Variants in DMTF1 observed in about 807,000 individuals in gnomAD.
DMTF1 encodes cyclin D binding myb like transcription factor 1, also known as cyclin-D-binding Myb-like transcription factor 1.
In DMTF1, 39 loss-of-function variants were observed where a neutral mutation model predicts 91.1. The observed-to-expected ratio is 0.43, with a 90% confidence interval of 0.33 to 0.56. The LOEUF is 0.56. Ranked by LOEUF, DMTF1 falls within the 20% of genes least tolerant of loss-of-function variation. DMTF1 has a pLI of 0.05. For missense variants in DMTF1, 750 were observed against 914.5 expected, an observed-to-expected ratio of 0.82 and a Z score of 2.32; for synonymous variants, 338 against 309.5, an observed-to-expected ratio of 1.09 and a Z score of -0.97.
rs1000267727 is a variant in DMTF1 at position 87,196,087 on chromosome 7, G to A, written c.*947G>A. 1.3e-5 allele frequency: 2 copies of A among 152,550 alleles called. No individual in the cohort carries two copies. The highest frequency in any genetic ancestry group is 4.8e-5 in the African/African-American group (2 of 41,402). 9.4% of individuals were successfully genotyped at this position (152,550 alleles called of 1,614,324 possible). ...TAAGAATCATTCCTGTACTACAGAAGGGTTAAGGCAAAGGTAGCCTTTTGG... is the reference window on the plus strand; with the variant it reads ...TAAGAATCATTCCTGTACTACAGAAAGGTTAAGGCAAAGGTAGCCTTTTGG... On this transcript the variant is annotated 3_prime_UTR_variant, in exon 18 of 18. Transcript: ENST00000331242.
chr7:87,171,046 T>C lies in DMTF1; in HGVS notation c.284T>C (p.Val95Ala), dbSNP rs932073234. 1 of 1,612,518 alleles carries C rather than the reference T, an allele frequency of 6.2e-7. No homozygotes were observed. Residue 95 changes from valine (V) to alanine (A), a missense_variant, in exon 5 of 18, where the codon GTA becomes GCA. By Grantham distance (64) the Val-to-Ala change is moderately conservative. Around this residue, in one of 3 missense-constraint regions of DMTF1, gnomAD observed 150 missense variants for 150.4 expected, o/e 1.00. Coordinates refer to ENST00000331242, the MANE Select transcript of DMTF1 (RefSeq NM_001142327.2). ...GTGACCATGACTGCAACCACAGAAGTAGCAGATGATGAGGTTACTGAGGGG... is the reference window on the plus strand; with the variant it reads ...GTGACCATGACTGCAACCACAGAAGCAGCAGATGATGAGGTTACTGAGGGG... ...FEVTMTATTE[V>A]ADDEVTEGTV...
At chr7:87,184,763 T>G in intron 11 of DMTF1, 138 bp downstream of exon 11, 2 of 785,996 alleles carry the variant, frequency 2.5e-6, no homozygotes, top group Non-Finnish European at 4.4e-6. Flanking sequence ...TTTAAGATCT[T>G]AAGTATTTCA....
chr7:87,164,639 G>C (rs1180009616), intron 2 of DMTF1, among the ~76,000 whole-genome samples: 2 of 152,198 alleles, frequency 1.3e-5, no homozygotes, highest in Non-Finnish European at 2.9e-5. Context: ...TTGCTGATAA[G>C]ACGGATTCTC....
At chr7:87,159,046 A>C (rs1791524313) in intron 1 of DMTF1, among the ~76,000 whole-genome samples, 1 of 152,176 alleles carries the variant, frequency 6.6e-6, no homozygotes, top group Non-Finnish European at 1.5e-5. Flanking sequence ...CATAATCTAA[A>C]TAAAAATTTA....
chr7:87,184,968 C>T (rs1798099020), intron 11 of DMTF1: 13 of 462,904 alleles, frequency 2.8e-5, no homozygotes, highest in Admixed American at 2.2e-4. Context: ...AGGGGGAACA[C>T]GTTTAGGATA....
intron 6 of DMTF1, 127 bp downstream of exon 6, chr7:87,173,776 C>T (rs1207591529): frequency 2.4e-6 from 1 of 425,530 alleles, no homozygotes; most frequent in Non-Finnish European, 4.1e-6. Flanking sequence ...TTGAGCTTTT[C>T]TAACTGAATT....
At chr7:87,182,974 T>C (rs942710715) in intron 10 of DMTF1, among the ~76,000 whole-genome samples, 1 of 152,056 alleles carries the variant, frequency 6.6e-6, no homozygotes, top group African/African-American at 2.4e-5. Context: ...ATTTAACCTT[T>C]CTGAGCCTCA....
intron 1 of DMTF1, among the ~76,000 whole-genome samples, chr7:87,158,843 A>G (rs1339115627): frequency 6.6e-6 from 1 of 152,114 alleles, no homozygotes; most frequent in South Asian, 2.1e-4. Context: ...AAATGATTCA[A>G]ACAACAAGTA....
intron 4 of DMTF1, among the ~76,000 whole-genome samples, chr7:87,169,091 TTCTG>T (rs1794500390): frequency 6.6e-6 from 1 of 152,216 alleles, no homozygotes; most frequent in African/African-American, 2.4e-5. Flanking sequence ...ATTTTGTTTC[TTCTG>T]TATCACCAGT....
chr7:87,188,312 G>A lies in DMTF1; in HGVS notation c.1411+11G>A. ...AGATCACCCATGTTTGTAAGTGTTTGATCTTCAAGATTCCTTGCTGTTTGA... is the reference window on the plus strand; with the variant it reads ...AGATCACCCATGTTTGTAAGTGTTTAATCTTCAAGATTCCTTGCTGTTTGA... On this transcript the variant is annotated intron_variant, in intron 13 of 17. Coordinates refer to ENST00000331242, the MANE Select transcript of DMTF1 (RefSeq NM_001142327.2). The A allele has an allele frequency of 6.2e-7, 1 of 1,613,228 alleles. No individual in the cohort carries two copies. The highest frequency in any genetic ancestry group is 8.5e-7 in the Non-Finnish European group (1 of 1,179,372).
At chr7:87,165,621 T>A (rs1445064754) in intron 3 of DMTF1, among the ~76,000 whole-genome samples, 1 of 152,252 alleles carries the variant, frequency 6.6e-6, no homozygotes, top group Non-Finnish European at 1.5e-5. Flanking sequence ...AAGTAGCACC[T>A]ACCTATAAAG....
intron 1 of DMTF1, among the ~76,000 whole-genome samples, chr7:87,155,036 C>T (rs990073676): frequency 2.0e-5 from 3 of 152,126 alleles, no homozygotes; most frequent in African/African-American, 7.2e-5. Flanking sequence ...TAAACAGTTG[C>T]CTTTGCCATG....
chr7:87,178,953 G>T (rs1456489029), intron 7 of DMTF1, among the ~76,000 whole-genome samples: 1 of 151,820 alleles, frequency 6.6e-6, no homozygotes, highest in Non-Finnish European at 1.5e-5. Context: ...GTCTCTTCCA[G>T]AGTCAGTTTT....
chr7:87,191,041 C>A lies in DMTF1; in HGVS notation c.1494+14C>A. ...GAGATTCTTCCCGTGAGTAACGCTT[C>A]ATATATATTGGCCATTTTTATGCAT... On this transcript the variant is annotated intron_variant, in intron 14 of 17. Coordinates refer to ENST00000331242, the MANE Select transcript of DMTF1 (RefSeq NM_001142327.2). 6.5e-7 allele frequency: 1 copy of A among 1,531,242 alleles called. No homozygotes were observed. The highest frequency in any genetic ancestry group is 9.0e-7 in the Non-Finnish European group (1 of 1,113,984). The allele number at this position is 1,531,242 out of a possible 1,614,324, so 94.9% of individuals were successfully genotyped here. A position where few individuals can be genotyped will look rare whatever the true frequency, so the allele number is the denominator to read the frequency against.
intron 17 of DMTF1, 77 bp downstream of exon 17, chr7:87,194,905 A>G (rs770184536): frequency 1.3e-6 from 2 of 1,503,690 alleles, no homozygotes; most frequent in Non-Finnish European, 1.8e-6. Flanking sequence ...AACTTGTTTC[A>G]GTCTTTCTTG....
intron 4 of DMTF1, 41 bp downstream of exon 4, chr7:87,166,646 A>G: frequency 1.3e-6 from 2 of 1,596,940 alleles, no homozygotes; most frequent in Non-Finnish European, 1.7e-6. Flanking sequence ...TTCCCTTTTA[A>G]AATCAAAGTT....
rs1369777587 is a variant in DMTF1 at position 87,171,108 on chromosome 7, CTG to C, written c.327+20_327+21del. The C allele has an allele frequency of 1.3e-6, 2 of 1,505,562 alleles. No homozygotes were observed. The allele number at this position is 1,505,562 out of a possible 1,614,324, so 93.3% of individuals were successfully genotyped here. Reference sequence around the variant, plus strand: ...GATACAGGTATAGTAAATCTTTTAACTGGCCTCAGGAGGATGATCCTTTACAC... The same window carrying C: ...GATACAGGTATAGTAAATCTTTTAACGCCTCAGGAGGATGATCCTTTACAC... On this transcript the variant is annotated intron_variant, in intron 5 of 17. Transcript: ENST00000331242.
chr7:87,160,336 A>G (rs150963116), intron 1 of DMTF1, among the ~76,000 whole-genome samples: 5,536 of 146,668 alleles, frequency 0.038, 122 homozygotes, highest in East Asian at 0.066. Context: ...GTGCAATGGG[A>G]CGATCTTGGC....
At chr7:87,183,904 A>G (rs1797892385) in intron 10 of DMTF1, among the ~76,000 whole-genome samples, 1 of 152,196 alleles carries the variant, frequency 6.6e-6, no homozygotes, top group South Asian at 2.1e-4. Context: ...GATGGTAGAA[A>G]CCTAGTTTTT....
Sources: gnomAD v4.1 joint callset for allele counts (sites outside exome capture counted in the v4.1 genomes callset) on GRCh38, gnomAD v4.1.1 for gene constraint, gnomAD v4.1.1 regional missense constraint, MANE v1.5 for transcripts, NCBI Gene and HGNC (gene_info 2026-07-23, HGNC 2026-07-21) for gene names.